The following BCAS3 variants were observed in gnomAD, a reference collection of about 807,000 sequenced individuals.
The protein encoded by BCAS3 is BCAS4/BCAS3 fusion.
BCAS3 carries 53 observed loss-of-function variants against 116.1 expected under a neutral mutation model. That is an observed-to-expected ratio of 0.46 (90% CI 0.37 to 0.57). The LOEUF (loss-of-function observed/expected upper bound fraction) is 0.57. Among genes scored for constraint, BCAS3 ranks in the 20% least tolerant of loss-of-function variants. The pLI is 0.00. For missense variants in BCAS3, 917 were observed against 1,165.4 expected (o/e 0.79, Z 3.10); for synonymous variants, 391 against 408.2 (o/e 0.96, Z 0.51).
intron 22 of BCAS3, among the ~76,000 whole-genome samples, chr17:61,089,487 T>G (rs1467384089): frequency 6.7e-6 from 1 of 149,362 alleles, no homozygotes; most frequent in Non-Finnish European, 1.5e-5. Flanking sequence ...TTTTTTTTTT[T>G]TCTTCGAGAC....
chr17:61,175,171 C>T (rs10853026), intron 22 of BCAS3, among the ~76,000 whole-genome samples: 17 of 151,924 alleles, frequency 1.1e-4, no homozygotes, highest in African/African-American at 4.1e-4. Context: ...CTTTCGGAGG[C>T]CAAGGCAGGA....
intron 22 of BCAS3, among the ~76,000 whole-genome samples, chr17:61,291,670 A>G (rs962687125): frequency 2.0e-5 from 3 of 152,180 alleles, no homozygotes; most frequent in Admixed American, 2.0e-4. Context: ...GCGGTTCTTC[A>G]TTTATGGCAG....
rs1186940326 is a variant in BCAS3 at position 61,256,782 on chromosome 17, G to C, written c.2426-111545G>C. Among the ~76,000 whole-genome samples the C allele has an allele frequency of 6.6e-6, 1 of 152,148 alleles. No individual in the cohort carries two copies. The highest frequency in any genetic ancestry group is 2.4e-5 in the African/African-American group (1 of 41,436). ...AAAGAAACCTGAGGCTTTCAGGGTT[G>C]TTGGTATGCCATGGCACAAGGACCC... On this transcript the variant is annotated intron_variant, in intron 22 of 23. Coordinates refer to ENST00000407086, the MANE Select transcript of BCAS3 (RefSeq NM_017679.5). The surrounding 1 kb of genome is among the most constrained non-coding windows in gnomAD (Gnocchi z 5.6).
rs2060144252 is a variant in BCAS3, at chr17:61,391,778, G to A, written c.2594-199G>A. 1 of 620,336 alleles carries A rather than the reference G, an allele frequency of 1.6e-6. No individual in the cohort carries two copies. The highest frequency in any genetic ancestry group is 2.8e-6 in the Non-Finnish European group (1 of 352,156). 38.4% of individuals were successfully genotyped at this position (620,336 alleles called of 1,614,324 possible). On this transcript the variant is annotated intron_variant, in intron 23 of 23. Coordinates refer to ENST00000407086, the MANE Select transcript of BCAS3 (RefSeq NM_017679.5). This position sits in a 1 kb window ranked among gnomAD's most constrained non-coding sequence, Gnocchi z 7.7. Reference sequence around the variant, plus strand: ...TCTCACACCAGAGTCTGCCAGCCAGGGGGCTTTCCCTCCCCTGGCTGAGCC... The same window carrying A: ...TCTCACACCAGAGTCTGCCAGCCAGAGGGCTTTCCCTCCCCTGGCTGAGCC...
At chr17:61,116,256 A>AT (rs1473047003) in intron 22 of BCAS3, among the ~76,000 whole-genome samples, 4 of 45,948 alleles carry the variant, frequency 8.7e-5, no homozygotes, top group Non-Finnish European at 1.6e-4. Flanking sequence ...AAATAAATAA[A>AT]TAAATAAATA....
chr17:60,809,129 C>CA (rs2048551544), intron 7 of BCAS3, among the ~76,000 whole-genome samples: 1 of 151,910 alleles, frequency 6.6e-6, no homozygotes, highest in Admixed American at 6.6e-5. Context: ...ACTAAAAATA[C>CA]AAAAATTAGC....
At chr17:60,976,837 C>G (rs1180340370) in intron 14 of BCAS3, among the ~76,000 whole-genome samples, 2 of 152,234 alleles carry the variant, frequency 1.3e-5, no homozygotes, top group Admixed American at 1.3e-4. Context: ...ATGTCTACTT[C>G]TTTCTACACA....
rs2053498249 is a variant in BCAS3, at chr17:61,302,130, T to C, written c.2426-66197T>C. Among the ~76,000 whole-genome samples, 1 of 152,140 alleles carries C rather than the reference T, an allele frequency of 6.6e-6. No homozygotes were observed. Among genetic ancestry groups the C allele is most frequent in the Non-Finnish European group, 1.5e-5 (1 of 68,028 alleles). On this transcript the variant is annotated intron_variant, in intron 22 of 23. Transcript: ENST00000407086. This position sits in a 1 kb window ranked among gnomAD's most constrained non-coding sequence, Gnocchi z 4.4. ...TACAGTCAGCTCATTACCTCCTCCC[T>C]GTCCCACTCTTGCCATGCCAGGAGA...
chr17:61,024,914 A>G (rs937708232), intron 16 of BCAS3, among the ~76,000 whole-genome samples: 1 of 152,114 alleles, frequency 6.6e-6, no homozygotes, highest in Non-Finnish European at 1.5e-5. Context: ...GTTCTGGATG[A>G]GATGGGAGAC....
chr17:61,168,137 A>C (rs2078626583), intron 22 of BCAS3, among the ~76,000 whole-genome samples: 1 of 152,184 alleles, frequency 6.6e-6, no homozygotes, highest in Non-Finnish European at 1.5e-5. Context: ...TTGCTGGGTC[A>C]GGTTTGACTT....
At chr17:61,262,099 A>G (rs1272144459) in intron 22 of BCAS3, among the ~76,000 whole-genome samples, 2 of 152,200 alleles carry the variant, frequency 1.3e-5, no homozygotes, top group Non-Finnish European at 2.9e-5. Context: ...AGATTATATT[A>G]TTTGCTTCAA....
At chr17:61,060,614 T>A (rs182856265) in intron 19 of BCAS3, among the ~76,000 whole-genome samples, 1 of 152,310 alleles carries the variant, frequency 6.6e-6, no homozygotes, top group East Asian at 1.9e-4. Context: ...AGTCTGCAGG[T>A]CAAGAAATGG....
intron 22 of BCAS3, among the ~76,000 whole-genome samples, chr17:61,254,450 C>CGAAAA (rs2048610781): frequency 6.6e-6 from 1 of 151,996 alleles, no homozygotes; most frequent in Admixed American, 6.6e-5. Flanking sequence ...AGTCAGTTTT[C>CGAAAA]CTGTTTTGCT....
At chr17:61,329,082 G>C (rs541841031) in intron 22 of BCAS3, among the ~76,000 whole-genome samples, 2 of 151,260 alleles carry the variant, frequency 1.3e-5, no homozygotes, top group Admixed American at 1.3e-4. Context: ...TTTTAGTAGA[G>C]ATGGGGTTTC....
chr17:61,316,196 C>T lies in BCAS3; in HGVS notation c.2426-52131C>T, dbSNP rs1233420613. Among the ~76,000 whole-genome samples, 1 of 152,106 alleles carries T rather than the reference C, an allele frequency of 6.6e-6. No individual in the cohort carries two copies. The highest frequency in any genetic ancestry group is 2.4e-5 in the African/African-American group (1 of 41,420). ...TGGTGCATGCCTGTGATCCCAGCTA[C>T]TCAGGAGGCTGTGGCAGGAGAATCA... On this transcript the variant is annotated intron_variant, in intron 22 of 23. Coordinates refer to ENST00000407086, the MANE Select transcript of BCAS3 (RefSeq NM_017679.5). This position sits in a 1 kb window ranked among gnomAD's most constrained non-coding sequence, Gnocchi z 5.8.
intron 22 of BCAS3, among the ~76,000 whole-genome samples, chr17:61,184,088 C>CATATTAATAA (rs2079629357): frequency 6.6e-6 from 1 of 152,132 alleles, no homozygotes; most frequent in East Asian, 1.9e-4. Context: ...ACCAATGTTA[C>CATATTAATAA]ATATTAATAA....
At chr17:60,981,707 G>A (rs953608483) in intron 14 of BCAS3, among the ~76,000 whole-genome samples, 4 of 152,240 alleles carry the variant, frequency 2.6e-5, no homozygotes, top group African/African-American at 7.2e-5. Flanking sequence ...TAAGTGCTAG[G>A]CACTGTTCTA....
chr17:60,842,154 T>C (rs1157352669), intron 7 of BCAS3, among the ~76,000 whole-genome samples: 1 of 152,206 alleles, frequency 6.6e-6, no homozygotes, highest in African/African-American at 2.4e-5. Flanking sequence ...TTTTAGATTT[T>C]TTGATATCCT....
In BCAS3 at chr17:61,234,566, T is replaced by G. The variant is rs565901643; in HGVS notation, c.2426-133761T>G. On this transcript the variant is annotated intron_variant, in intron 22 of 23. Coordinates refer to ENST00000407086, the MANE Select transcript of BCAS3 (RefSeq NM_017679.5). ...GGAGAGGAGTTTCCTTCTCCTTTGG[T>G]GGGCTTCCCTCTAGCAATTCAGGAG... is the stretch of plus-strand genomic sequence containing the variant. Among the ~76,000 whole-genome samples the G allele has an allele frequency of 4.6e-5, 7 of 152,294 alleles. No homozygotes were observed. In the East Asian group the frequency reaches 1.4e-3, roughly 29 times the overall value.
Sources: allele counts gnomAD v4.1 joint callset (sites outside exome capture counted in the v4.1 genomes callset), GRCh38; gene constraint gnomAD v4.1.1; non-coding constraint Gnocchi (gnomAD v3.1); transcripts MANE v1.5; gene names NCBI Gene and HGNC (gene_info 2026-07-23, HGNC 2026-07-21).